SLC25A21: variants seen among roughly 807,000 people sequenced by gnomAD.
SLC25A21 encodes mitochondrial 2-oxodicarboxylate carrier.
SLC25A21 carries 47 observed loss-of-function variants against 43.8 expected under a neutral mutation model. The observed-to-expected ratio is 1.07, with a 90% confidence interval of 0.85 to 1.37. The LOEUF (loss-of-function observed/expected upper bound fraction) is 1.37, where lower values mean the gene tolerates loss of function less well. Among genes scored for constraint, SLC25A21 ranks in the 40% most tolerant of loss-of-function variants. SLC25A21 has a pLI of 0.00. For synonymous variants in SLC25A21, 131 were observed against 121.3 expected (o/e 1.08, Z -0.52); for missense variants, 352 against 350.2 (o/e 1.00, Z -0.04).
intron 1 of SLC25A21, among the ~76,000 whole-genome samples, chr14:37,099,228 C>A (rs1962769407): frequency 6.6e-6 from 1 of 152,120 alleles, no homozygotes; most frequent in African/African-American, 2.4e-5. Flanking sequence ...TCCCTACCTT[C>A]CCCAGGGAGC....
chr14:37,133,721 A>C (rs1963431095), intron 1 of SLC25A21, among the ~76,000 whole-genome samples: 1 of 151,962 alleles, frequency 6.6e-6, no homozygotes, highest in African/African-American at 2.4e-5. Flanking sequence ...CCTACACATC[A>C]ATCATGCTAA....
chr14:37,077,955 T>C (rs1413661329), intron 1 of SLC25A21, among the ~76,000 whole-genome samples: 1 of 152,180 alleles, frequency 6.6e-6, no homozygotes, highest in African/African-American at 2.4e-5. Context: ...TTTTTTAAAA[T>C]TTTTAAACGA....
At chr14:36,819,491 C>G (rs895662020) in intron 2 of SLC25A21, among the ~76,000 whole-genome samples, 1 of 152,060 alleles carries the variant, frequency 6.6e-6, no homozygotes, top group African/African-American at 2.4e-5. Context: ...GACTCAGTCT[C>G]AGCATAGATA....
chr14:36,864,761 A>G (rs1890165939), intron 2 of SLC25A21, among the ~76,000 whole-genome samples: 1 of 152,190 alleles, frequency 6.6e-6, no homozygotes, highest in South Asian at 2.1e-4. Context: ...CATTCTATCC[A>G]TGGTTAGAAA....
intron 1 of SLC25A21, among the ~76,000 whole-genome samples, chr14:37,007,700 G>A (rs547241176): frequency 2.6e-5 from 4 of 152,050 alleles, no homozygotes; most frequent in African/African-American, 9.6e-5. Flanking sequence ...AAAAAAGCTT[G>A]TTCATCGATC....
In SLC25A21 at chr14:37,116,772, C is replaced by T. The variant is rs142251020; in HGVS notation, c.70+55509G>A. On this transcript the variant is annotated intron_variant, in intron 1 of 9. Coordinates refer to ENST00000331299, the MANE Select transcript of SLC25A21 (RefSeq NM_030631.4). ...TTTTGAACATATAAAAGTTAAGGTA[C>T]CAAAGAAAATCCCACTGTCAATGAT... Among the ~76,000 whole-genome samples, 3 of 152,210 alleles carry T rather than the reference C, an allele frequency of 2.0e-5. No homozygotes were observed. The East Asian group carries it at 5.8e-4, about 29-fold the overall frequency.
intron 1 of SLC25A21, among the ~76,000 whole-genome samples, chr14:36,967,501 TGTTA>T (rs1453334110): frequency 2.0e-5 from 3 of 152,214 alleles, no homozygotes; most frequent in Non-Finnish European, 2.9e-5. Context: ...TTTGTGCACC[TGTTA>T]ATTATGAAAA....
intron 1 of SLC25A21, among the ~76,000 whole-genome samples, chr14:37,058,852 C>T (rs1054000044): frequency 6.6e-6 from 1 of 152,134 alleles, no homozygotes; most frequent in Non-Finnish European, 1.5e-5. Context: ...CTACTTAGAA[C>T]CTTGCTTGGT....
chr14:36,849,707 T>G (rs1889663603), intron 2 of SLC25A21, among the ~76,000 whole-genome samples: 1 of 152,162 alleles, frequency 6.6e-6, no homozygotes, highest in African/African-American at 2.4e-5. Context: ...TGAGACAGTC[T>G]ATCTAGATCT....
At chr14:36,849,760 C>T (rs554587680) in intron 2 of SLC25A21, among the ~76,000 whole-genome samples, 101 of 152,294 alleles carry the variant, frequency 6.6e-4, no homozygotes, top group Non-Finnish European at 1.2e-3. Context: ...TTATTTCCTG[C>T]TAAAACTCAT....
intron 1 of SLC25A21, among the ~76,000 whole-genome samples, chr14:37,073,634 G>A (rs948112979): frequency 6.6e-6 from 1 of 152,138 alleles, no homozygotes; most frequent in Non-Finnish European, 1.5e-5. Context: ...GGGAATGGAG[G>A]TGTTTTTCTG....
In SLC25A21 at chr14:36,887,227, T is replaced by C. The variant is rs1890943878; in HGVS notation, c.71-12223A>G. Reference sequence around the variant, plus strand: ...GTGTGTCTACATATATATATATATATATATTCATTCAGAAAAAGTTTGTAT... The same window carrying C: ...GTGTGTCTACATATATATATATATACATATTCATTCAGAAAAAGTTTGTAT... On this transcript the variant is annotated intron_variant, in intron 1 of 9. Coordinates refer to ENST00000331299, the MANE Select transcript of SLC25A21 (RefSeq NM_030631.4). Among the ~76,000 whole-genome samples the C allele has an allele frequency of 3.3e-5, 5 of 151,704 alleles. No homozygotes were observed. In the South Asian group the frequency reaches 1.0e-3, roughly 32 times the overall value.
intron 1 of SLC25A21, among the ~76,000 whole-genome samples, chr14:37,093,528 C>G (rs572277532): frequency 2.3e-4 from 35 of 152,360 alleles, no homozygotes; most frequent in African/African-American, 8.2e-4. Context: ...TAAATTGCAA[C>G]TGCAACTGAC....
intron 2 of SLC25A21, among the ~76,000 whole-genome samples, chr14:36,816,303 A>G (rs1287136164): frequency 6.6e-6 from 1 of 152,120 alleles, no homozygotes; most frequent in African/African-American, 2.4e-5. Context: ...ATGAGTATCT[A>G]TTGACCAACT....
At chr14:36,757,978 C>T (rs1266505014) in intron 3 of SLC25A21, among the ~76,000 whole-genome samples, 4 of 152,342 alleles carry the variant, frequency 2.6e-5, no homozygotes, top group South Asian at 2.1e-4. Flanking sequence ...GGGTGCCTAC[C>T]GCAAGAGGAT....
At position 37,112,749 on chromosome 14, in the gene SLC25A21, T is replaced by C. The variant is rs181146555; in HGVS notation, c.70+59532A>G. ...TAGGACAAGAACAGAGTTGTGGTAATCCACCTTTACTATTAGATGGGAGTC... is the reference window on the plus strand; with the variant it reads ...TAGGACAAGAACAGAGTTGTGGTAACCCACCTTTACTATTAGATGGGAGTC... On this transcript the variant is annotated intron_variant, in intron 1 of 9. Coordinates refer to ENST00000331299, the MANE Select transcript of SLC25A21 (RefSeq NM_030631.4). Among the ~76,000 whole-genome samples, 61 of 152,272 alleles carry C rather than the reference T, an allele frequency of 4.0e-4. 1 individual carries two copies. The highest frequency in any genetic ancestry group is 3.0e-3 in the Admixed American group (46 of 15,286).
intron 7 of SLC25A21, among the ~76,000 whole-genome samples, chr14:36,691,298 C>A (rs578185725): frequency 3.9e-4 from 59 of 152,264 alleles, no homozygotes; most frequent in Non-Finnish European, 6.5e-4. Flanking sequence ...ATAAAAATCC[C>A]AGAATCACAA....
At chr14:36,930,176 C>A (rs1892248936) in intron 1 of SLC25A21, among the ~76,000 whole-genome samples, 1 of 152,136 alleles carries the variant, frequency 6.6e-6, no homozygotes, top group African/African-American at 2.4e-5. Context: ...AACTGCCTTG[C>A]TGAGCCTATT....
chr14:36,950,206 A>G (rs892778048), intron 1 of SLC25A21, among the ~76,000 whole-genome samples: 1 of 152,200 alleles, frequency 6.6e-6, no homozygotes, highest in Non-Finnish European at 1.5e-5. Context: ...TTTCTGAATA[A>G]CACCCATGAT....
Sources: gnomAD v4.1 joint callset for allele counts (sites outside exome capture counted in the v4.1 genomes callset) on GRCh38, gnomAD v4.1.1 for gene constraint, MANE v1.5 for transcripts, NCBI Gene and HGNC (gene_info 2026-07-23, HGNC 2026-07-21) for gene names.